The following TXNRD1 variants were observed in gnomAD, a reference collection of about 807,000 sequenced individuals.
The protein encoded by TXNRD1 is thioredoxin reductase 1, cytoplasmic.
TXNRD1 carries 57 observed loss-of-function variants against 80.3 expected under a neutral mutation model. The ratio of observed to expected loss-of-function variants is 0.71; its 90% CI spans 0.57 to 0.89. The LOEUF is 0.89. Among genes scored for constraint, TXNRD1 ranks in the 40% least tolerant of loss-of-function variants. The pLI is 0.00. For synonymous variants in TXNRD1, 291 were observed against 285.2 expected (o/e 1.02, Z -0.20); for missense variants, 730 against 803.0 (o/e 0.91, Z 1.10).
rs1210730554 is a variant in TXNRD1, at chr12:104,339,530, CAT to C, written c.1881+260_1881+261del. On this transcript the variant is annotated intron_variant, in intron 16 of 16. Coordinates refer to ENST00000525566, the MANE Select transcript of TXNRD1 (RefSeq NM_001093771.3). ...GCTGTGCCTTAAATATTTTATTTATCATATCTTCTAAATTATTTTCATGGCAA... is the reference window on the plus strand; with the variant it reads ...GCTGTGCCTTAAATATTTTATTTATCATCTTCTAAATTATTTTCATGGCAA... 6 of 586,180 alleles carry C rather than the reference CAT, an allele frequency of 1.0e-5. No individual in the cohort carries two copies. In the African/African-American group the frequency reaches 1.1e-4, roughly 11 times the overall value. The allele number at this position is 586,180 out of a possible 1,614,324, so 36.3% of individuals were successfully genotyped here.
intron 7 of TXNRD1, 41 bp from the exon 8 acceptor site, chr12:104,318,872 T>A: frequency 6.3e-7 from 1 of 1,590,186 alleles, no homozygotes. Context: ...TTGCCAGCAG[T>A]TGAAAAGCCA....
chr12:104,228,145 A>G (rs1309804754), intron 1 of TXNRD1, among the ~76,000 whole-genome samples: 1 of 152,028 alleles, frequency 6.6e-6, no homozygotes, highest in Non-Finnish European at 1.5e-5. Flanking sequence ...TCTACTAAAA[A>G]TATAAAATTA....
At position 104,315,837 on chromosome 12, in the gene TXNRD1, C is replaced by T. The variant is rs775677523; in HGVS notation, c.671C>T (p.Ala224Val). ...CCTAAAAAACTGATGCATCAAGCAG[C>T]TTTGTTAGGACAAGCCCTGCAAGAC... ...CIPKKLMHQA[A>V]LLGQALQDSR... Residue 224 changes from alanine to valine, a missense_variant, in exon 7 of 17, where the codon GCT (alanine) becomes GTT (valine). Transcript: ENST00000525566. The T allele has an allele frequency of 3.7e-6, 6 of 1,612,360 alleles. No homozygotes were observed. Among genetic ancestry groups the T allele is most frequent in the Non-Finnish European group, 5.1e-6 (6 of 1,178,880 alleles).
At chr12:104,237,201 T>TG (rs910823547) in intron 1 of TXNRD1, among the ~76,000 whole-genome samples, 2 of 152,142 alleles carry the variant, frequency 1.3e-5, no homozygotes, top group African/African-American at 4.8e-5. Flanking sequence ...TACTTCACAT[T>TG]GTGGGAGAGC....
intron 14 of TXNRD1, among the ~76,000 whole-genome samples, chr12:104,333,856 A>G (rs1184234878): frequency 6.6e-6 from 1 of 152,146 alleles, no homozygotes; most frequent in Non-Finnish European, 1.5e-5. Context: ...CTGGCACCTT[A>G]TTTGTTTCTT....
At chr12:104,297,783 G>T (rs1025162384) in intron 4 of TXNRD1, among the ~76,000 whole-genome samples, 1 of 152,118 alleles carries the variant, frequency 6.6e-6, no homozygotes, top group African/African-American at 2.4e-5. Flanking sequence ...TTTTTCATTT[G>T]ATCCCTGAGT....
intron 3 of TXNRD1, chr12:104,265,565 C>T (rs987997754): frequency 5.6e-6 from 9 of 1,608,210 alleles, no homozygotes; most frequent in Non-Finnish European, 7.6e-6. Flanking sequence ...CGCTATGACT[C>T]CCGGAGCGGC....
chr12:104,295,344 A>G (rs1459412144), intron 4 of TXNRD1, among the ~76,000 whole-genome samples: 1 of 151,954 alleles, frequency 6.6e-6, no homozygotes, highest in Non-Finnish European at 1.5e-5. Flanking sequence ...TCTTGCCCCT[A>G]TTTACTTTTG....
intron 3 of TXNRD1, among the ~76,000 whole-genome samples, chr12:104,263,752 G>T (rs2033417878): frequency 6.6e-6 from 1 of 152,172 alleles, no homozygotes; most frequent in Admixed American, 6.6e-5. Context: ...CTAGCTTAGG[G>T]GTTCTGATGT....
intron 16 of TXNRD1, among the ~76,000 whole-genome samples, chr12:104,346,446 C>T (rs1273652534): frequency 6.6e-6 from 1 of 152,162 alleles, no homozygotes; most frequent in Admixed American, 6.5e-5. Context: ...ACATCTCCTA[C>T]AAGTTCTATT....
chr12:104,236,945 C>T (rs1450525296), intron 1 of TXNRD1, among the ~76,000 whole-genome samples: 1 of 151,814 alleles, frequency 6.6e-6, no homozygotes, highest in African/African-American at 2.4e-5. Context: ...TGTCTTACCA[C>T]TCTTAATGCA....
At position 104,349,293 on chromosome 12, in the gene TXNRD1, C is replaced by T. The variant is rs2036581099; in HGVS notation, c.*872C>T. On this transcript the variant is annotated 3_prime_UTR_variant, in exon 17 of 17. Coordinates refer to ENST00000525566, the MANE Select transcript of TXNRD1 (RefSeq NM_001093771.3). ...AGCTGAGATCATTTGCAATGGAAAA[C>T]ACGTAACTTGTTTAAAAGTTTTTCT... 6.6e-6 allele frequency: 1 copy of T among 152,202 alleles called. No individual in the cohort carries two copies. The highest frequency in any genetic ancestry group is 2.1e-4 in the South Asian group (1 of 4,828). 9.4% of individuals were successfully genotyped at this position (152,202 alleles called of 1,614,324 possible).
chr12:104,248,962 A>C (rs2033053639), intron 1 of TXNRD1, among the ~76,000 whole-genome samples: 2 of 152,184 alleles, frequency 1.3e-5, no homozygotes, highest in African/African-American at 4.8e-5. Flanking sequence ...GATTACAGGC[A>C]TGAGCCACCG....
At chr12:104,249,208 A>G (rs971115901) in intron 1 of TXNRD1, among the ~76,000 whole-genome samples, 3 of 152,196 alleles carry the variant, frequency 2.0e-5, no homozygotes, top group Non-Finnish European at 4.4e-5. Flanking sequence ...CTCAGTAGGT[A>G]CCTTCTTGCT....
At chr12:104,241,126 G>A (rs1347148678) in intron 1 of TXNRD1, among the ~76,000 whole-genome samples, 2 of 151,172 alleles carry the variant, frequency 1.3e-5, no homozygotes, top group Admixed American at 6.6e-5. Flanking sequence ...TGCAACCTCT[G>A]CCTCACAGGT....
intron 2 of TXNRD1, among the ~76,000 whole-genome samples, chr12:104,256,363 A>G (rs867219966): frequency 6.6e-6 from 1 of 152,206 alleles, no homozygotes; most frequent in Non-Finnish European, 1.5e-5. Context: ...TTTAAAGTGC[A>G]AAGATAATCC....
intron 4 of TXNRD1, among the ~76,000 whole-genome samples, chr12:104,299,692 G>C (rs553542134): frequency 6.6e-6 from 1 of 151,686 alleles, no homozygotes; most frequent in South Asian, 2.1e-4. Context: ...ACTTGAGTCC[G>C]GGGGGTGTAG....
At chr12:104,255,245 C>T (rs770401426) in intron 2 of TXNRD1, among the ~76,000 whole-genome samples, 143 of 152,200 alleles carry the variant, frequency 9.4e-4, no homozygotes, top group Non-Finnish European at 1.7e-3. Flanking sequence ...CAGTATGCTC[C>T]TTGCAATCCC....
intron 1 of TXNRD1, among the ~76,000 whole-genome samples, chr12:104,218,696 C>A (rs1024256669): frequency 6.6e-6 from 1 of 151,204 alleles, no homozygotes; most frequent in African/African-American, 2.4e-5. Context: ...TAGCTCATTG[C>A]AGCCTCAACC....
Sources: allele counts gnomAD v4.1 joint callset (sites outside exome capture counted in the v4.1 genomes callset), GRCh38; gene constraint gnomAD v4.1.1; transcripts MANE v1.5; gene names NCBI Gene and HGNC (gene_info 2026-07-23, HGNC 2026-07-21).